The following UBAP2 variants were observed in gnomAD, a reference collection of about 807,000 sequenced individuals.
UBAP2 encodes the protein ubiquitin associated protein 2.
UBAP2 carries 75 observed loss-of-function variants against 139.6 expected under a neutral mutation model. The ratio of observed to expected loss-of-function variants is 0.54; its 90% CI spans 0.45 to 0.65. The LOEUF (loss-of-function observed/expected upper bound fraction) is 0.65. Ranked by LOEUF, UBAP2 falls within the 30% of genes least tolerant of loss-of-function variation. The pLI, the probability that UBAP2 is intolerant of heterozygous loss-of-function variation, is 0.00. For missense variants in UBAP2, 1,368 were observed against 1,369.6 expected (o/e 1.00, Z 0.02); for synonymous variants, 526 against 526.2 (o/e 1.00, Z 0.01).
chr9:34,027,004 T>C (rs569362308), intron 1 of UBAP2, among the ~76,000 whole-genome samples: 1 of 152,314 alleles, frequency 6.6e-6, no homozygotes, highest in South Asian at 2.1e-4. Context: ...ACCTAGCTTC[T>C]CAGCCTTTCA....
chr9:33,935,520 G>GC, intron 17 of UBAP2: 4 of 330,274 alleles, frequency 1.2e-5, no homozygotes, highest in Non-Finnish European at 2.2e-5. Context: ...GCCTGCCTTG[G>GC]CCCCCCAAAG....
chr9:33,964,090 T>A (rs1415341507), intron 8 of UBAP2, among the ~76,000 whole-genome samples: 4 of 152,214 alleles, frequency 2.6e-5, no homozygotes, highest in Non-Finnish European at 5.9e-5. Context: ...TACCAGTTTT[T>A]AGAAAATTTA....
intron 1 of UBAP2, among the ~76,000 whole-genome samples, chr9:34,017,863 G>T (rs978721224): frequency 1.3e-5 from 2 of 151,700 alleles, no homozygotes; most frequent in African/African-American, 4.8e-5. Context: ...GGAGGCAGAG[G>T]TTGCAGTCAG....
At chr9:34,012,516 G>A (rs1168328890) in intron 2 of UBAP2, among the ~76,000 whole-genome samples, 2 of 98,898 alleles carry the variant, frequency 2.0e-5, no homozygotes, top group Non-Finnish European at 2.0e-5. Flanking sequence ...GGGCATCAAA[G>A]TAAAACTGTC....
At chr9:33,946,783 C>G (rs1202980162) in intron 13 of UBAP2, among the ~76,000 whole-genome samples, 3 of 152,082 alleles carry the variant, frequency 2.0e-5, no homozygotes, top group Admixed American at 2.0e-4. Context: ...AGGCATGCAC[C>G]AAACACACAG....
chr9:33,984,000 T>C (rs1820989238), intron 6 of UBAP2, among the ~76,000 whole-genome samples: 2 of 151,898 alleles, frequency 1.3e-5, no homozygotes, highest in African/African-American at 4.8e-5. Flanking sequence ...CAGCCTCCAC[T>C]TCCCCCAGTT....
intron 4 of UBAP2, among the ~76,000 whole-genome samples, chr9:33,991,541 T>C (rs538990297): frequency 1.1e-4 from 17 of 152,296 alleles, no homozygotes; most frequent in African/African-American, 4.1e-4. Flanking sequence ...AATTACATTT[T>C]TTAGTTCAAA....
In UBAP2 at chr9:34,016,206, G is replaced by A. The variant is rs562179086; in HGVS notation, c.99+844C>T. The stretch of plus-strand genomic sequence containing the variant: ...AAGAGGAGGAATAGAAGGAAGAGGA[G>A]GAATAGGAGGAAGAGGAGGAGGAAG... On this transcript the variant is annotated intron_variant, in intron 2 of 28. Transcript: ENST00000379238. Among the ~76,000 whole-genome samples, 52 of 131,436 alleles carry A rather than the reference G, an allele frequency of 4.0e-4. 1 individual carries two copies. The highest frequency in any genetic ancestry group is 6.8e-4 in the Non-Finnish European group (40 of 59,024). The allele number at this position is 131,436 out of a possible 152,430, so 86.2% of individuals were successfully genotyped here.
At chr9:33,960,983 G>A (rs966513549) in intron 9 of UBAP2, 105 bp from the exon 10 acceptor site, 23 of 993,360 alleles carry the variant, frequency 2.3e-5, no homozygotes, top group Non-Finnish European at 2.8e-5. Flanking sequence ...AGATACATAC[G>A]CCTCACTAGC....
intron 13 of UBAP2, 131 bp from the exon 14 acceptor site, chr9:33,944,770 T>A: frequency 9.7e-7 from 1 of 1,025,772 alleles, no homozygotes; most frequent in Non-Finnish European, 1.4e-6. Context: ...TTACACACAC[T>A]ATGTGTAACA....
intron 4 of UBAP2, chr9:33,995,288 C>T (rs1042179414): frequency 2.0e-5 from 3 of 150,270 alleles, no homozygotes; most frequent in African/African-American, 4.9e-5. Context: ...ACCCAGGAGA[C>T]GGAGGTTGCA....
At chr9:33,997,708 G>C (rs1822319372) in intron 3 of UBAP2, 1 of 152,162 alleles carries the variant, frequency 6.6e-6, no homozygotes, top group South Asian at 2.1e-4. Context: ...TTGACAGACA[G>C]AACTAAAATT....
intron 1 of UBAP2, among the ~76,000 whole-genome samples, chr9:34,038,553 G>A (rs950961653): frequency 2.6e-5 from 4 of 152,196 alleles, no homozygotes; most frequent in Admixed American, 6.5e-5. Flanking sequence ...CTGAGGTGCC[G>A]GGATTGCAGA....
chr9:34,025,689 T>C (rs1825344441), intron 1 of UBAP2, among the ~76,000 whole-genome samples: 1 of 152,216 alleles, frequency 6.6e-6, no homozygotes, highest in African/African-American at 2.4e-5. Context: ...ATATTCTCTA[T>C]GAAAGGAATA....
intron 1 of UBAP2, among the ~76,000 whole-genome samples, chr9:34,028,960 T>C (rs1385762696): frequency 3.3e-5 from 5 of 152,046 alleles, no homozygotes; most frequent in African/African-American, 1.2e-4. Context: ...AATAAATTTT[T>C]TTTTAATTAG....
chr9:34,021,399 A>G (rs1027626713), intron 1 of UBAP2, among the ~76,000 whole-genome samples: 3 of 152,208 alleles, frequency 2.0e-5, no homozygotes, highest in African/African-American at 7.2e-5. Flanking sequence ...TCCAGTCAGT[A>G]TGAATACACA....
intron 1 of UBAP2, among the ~76,000 whole-genome samples, chr9:34,045,777 A>C (rs779475163): frequency 2.4e-4 from 37 of 152,330 alleles, no homozygotes; most frequent in Non-Finnish European, 3.8e-4. Flanking sequence ...TGTAAAAACT[A>C]ATCTGATAAA....
rs1012087470 is a variant in UBAP2 at position 33,922,052 on chromosome 9, T to C, written c.*452A>G. On this transcript the variant is annotated 3_prime_UTR_variant, in exon 29 of 29. Transcript: ENST00000379238. ...CTCAAAAACAGAGGTATGAAGTAAT[T>C]ACACAGGAAAGAAAACAATTTCCAA... The C allele has an allele frequency of 6.3e-6, 1 of 159,508 alleles. No individual in the cohort carries two copies. Among genetic ancestry groups the C allele is most frequent in the African/African-American group, 2.4e-5 (1 of 41,704 alleles). 9.9% of individuals were successfully genotyped at this position (159,508 alleles called of 1,614,324 possible). A position where few individuals can be genotyped will look rare whatever the true frequency, so the allele number is the denominator to read the frequency against.
intron 6 of UBAP2, among the ~76,000 whole-genome samples, chr9:33,975,423 C>T (rs1828241394): frequency 6.9e-6 from 1 of 145,006 alleles, no homozygotes; most frequent in African/African-American, 2.6e-5. Context: ...CAGAGTGAGG[C>T]TCTATCTTTA....
Sources: gnomAD v4.1 joint callset for allele counts (sites outside exome capture counted in the v4.1 genomes callset) on GRCh38, gnomAD v4.1.1 for gene constraint, MANE v1.5 for transcripts, NCBI Gene and HGNC (gene_info 2026-07-23, HGNC 2026-07-21) for gene names.